ATRX: variants seen among roughly 807,000 people sequenced by gnomAD.
ATRX encodes the protein ATRX chromatin remodeler, also known as chromatin remodeler ATRX.
ATRX carries 12 observed loss-of-function variants against 172.6 expected under a neutral mutation model. The observed-to-expected ratio is 0.07, with a 90% confidence interval of 0.04 to 0.11. The LOEUF (loss-of-function observed/expected upper bound fraction) is 0.11. Ranked by LOEUF, ATRX falls within the 10% of genes least tolerant of loss-of-function variation. The pLI is 1.00. For synonymous variants in ATRX, 674 were observed against 594.7 expected, an observed-to-expected ratio of 1.13 and a Z score of -1.94; for missense variants, 1,368 against 1,767.4, an observed-to-expected ratio of 0.77 and a Z score of 4.05.
intron 1 of ATRX, among the ~76,000 whole-genome samples, chrX:77,766,278 G>A (rs1164172108): frequency 9.0e-6 from 1 of 111,444 alleles, no homozygotes; most frequent in Non-Finnish European, 1.9e-5. Flanking sequence ...GGGCAGAGGC[G>A]CCCCTCACCT....
At chrX:77,732,205 G>A (rs1425415427) in intron 1 of ATRX, among the ~76,000 whole-genome samples, 1 of 111,385 alleles carries the variant, frequency 9.0e-6, no homozygotes, top group Non-Finnish European at 1.9e-5. Context: ...TGGTCTGGCC[G>A]TGGTCCCTGC....
At chrX:77,542,072 G>A (rs781826786) in intron 30 of ATRX, among the ~76,000 whole-genome samples, 1 of 111,631 alleles carries the variant, frequency 9.0e-6, no homozygotes, top group Non-Finnish European at 1.9e-5. Flanking sequence ...AAACCCCATC[G>A]CCTCAGCCCA....
Position 77,683,632 on chromosome X carries a change from C to T in ATRX, c.1624G>A (p.Val542Ile). The T allele has an allele frequency of 8.3e-7, 1 of 1,211,461 alleles. No individual in the cohort carries two copies. The highest frequency in any genetic ancestry group is 1.1e-6 in the Non-Finnish European group (1 of 895,212). ...LETAMEVQSS[V>I]DHQGDGSSGT... ...CTGCTGCCATCCCCTTGATGATCAACTGAACTCTGAACTTCCATAGCAGTC... is the reference window on the plus strand; with the variant it reads ...CTGCTGCCATCCCCTTGATGATCAATTGAACTCTGAACTTCCATAGCAGTC... The change falls in exon 9 of 35, where the codon GTT (valine) becomes ATT (isoleucine). Residue 542 changes from valine to isoleucine, a missense_variant. Val to Ile is a conservative substitution (Grantham distance 29). This residue lies in a region of ATRX where 843 missense variants were observed against 643.1 expected (regional missense o/e 1.31). Coordinates refer to ENST00000373344, the MANE Select transcript of ATRX (RefSeq NM_000489.6).
rs1258693420 is a variant in ATRX, at chrX:77,505,264, G to A, written c.*3087C>T. On this transcript the variant is annotated 3_prime_UTR_variant, in exon 35 of 35. Transcript: ENST00000373344. ...GTTTTGTTTGGGGCACATAAATATC[G>A]ATCTGATTTTATGATAATGGAGGGA... 1.2e-5 allele frequency: 2 copies of A among 172,529 alleles called. No individual in the cohort carries two copies. The highest frequency in any genetic ancestry group is 8.2e-5 in the East Asian group (1 of 12,215). 14.2% of individuals were successfully genotyped at this position (172,529 alleles called of 1,213,427 possible). A position where few individuals can be genotyped will look rare whatever the true frequency, so the allele number is the denominator to read the frequency against.
chrX:77,591,474 T>C (rs1364188209), intron 26 of ATRX, among the ~76,000 whole-genome samples: 1 of 112,538 alleles, frequency 8.9e-6, no homozygotes, highest in Non-Finnish European at 1.9e-5. Context: ...AAGGTACTTA[T>C]GACTCCTGAA....
At chrX:77,541,690 C>A (rs1557050897) in intron 30 of ATRX, among the ~76,000 whole-genome samples, 1 of 111,945 alleles carries the variant, frequency 8.9e-6, no homozygotes, top group Non-Finnish European at 1.9e-5. Context: ...TGTAATCTAG[C>A]ATATAAACAG....
intron 1 of ATRX, among the ~76,000 whole-genome samples, chrX:77,756,232 T>A (rs2148893461): frequency 9.0e-6 from 1 of 111,346 alleles, no homozygotes; most frequent in African/African-American, 3.3e-5. Context: ...AGCTTCAGAC[T>A]GCTGTGTTGG....
In ATRX at chrX:77,663,432, T is replaced by C. The variant is rs1064796812; in HGVS notation, c.4070A>G (p.Lys1357Arg). 8 of 1,209,912 alleles carry C rather than the reference T, an allele frequency of 6.6e-6. No individual in the cohort carries two copies. The highest frequency in any genetic ancestry group is 2.3e-4 in the Middle Eastern group (1 of 4,352). The change falls in exon 12 of 35, where the codon AAG (lysine) becomes AGG (arginine). Residue 1357 changes from lysine to arginine, a missense_variant. Transcript: ENST00000373344. Reference sequence around the variant, plus strand: ...TTCTTTATGCTCTTTAGGCTTTGTCTTTTTTTCTTCTCCAGATTCTCCGTC... The same window carrying C: ...TTCTTTATGCTCTTTAGGCTTTGTCCTTTTTTCTTCTCCAGATTCTCCGTC... The part of the protein sequence containing the change: ...VSDGESGEEK[K>R]TKPKEHKEVK...
At chrX:77,730,420 T>C (rs1273877032) in intron 1 of ATRX, among the ~76,000 whole-genome samples, 2 of 111,792 alleles carry the variant, frequency 1.8e-5, no homozygotes, top group Non-Finnish European at 3.8e-5. Context: ...ACTTTCAGCA[T>C]TGGACAGACC....
At chrX:77,766,277 C>T (rs1350230150) in intron 1 of ATRX, among the ~76,000 whole-genome samples, 4 of 111,372 alleles carry the variant, frequency 3.6e-5, no homozygotes, top group African/African-American at 1.3e-4. Flanking sequence ...CGGGCAGAGG[C>T]GCCCCTCACC....
At chrX:77,652,089 AAAG>A (rs782735713) in intron 15 of ATRX, 22 bp downstream of exon 15, 5 of 1,203,759 alleles carry the variant, frequency 4.2e-6, no homozygotes, top group South Asian at 3.5e-5. Flanking sequence ...TACAAAAGAA[AAAG>A]AAGAAGAAAG....
chrX:77,521,539 C>T, intron 32 of ATRX, 41 bp from the exon 33 acceptor site: 3 of 1,025,248 alleles, frequency 2.9e-6, no homozygotes, highest in Non-Finnish European at 4.1e-6. Context: ...GGCAGAAAGA[C>T]AGCATAGTGT....
intron 22 of ATRX, among the ~76,000 whole-genome samples, chrX:77,608,094 T>C (rs897204420): frequency 1.8e-5 from 2 of 109,802 alleles, no homozygotes; most frequent in African/African-American, 6.6e-5. Flanking sequence ...AAAAGACACA[T>C]AGGCCGGCCG....
At chrX:77,658,918 A>T (rs782289379) in intron 12 of ATRX, among the ~76,000 whole-genome samples, 2 of 112,280 alleles carry the variant, frequency 1.8e-5, no homozygotes, top group Non-Finnish European at 3.8e-5. Context: ...TTTCAAAATA[A>T]TTTTTTAAAA....
intron 6 of ATRX, among the ~76,000 whole-genome samples, chrX:77,693,438 T>C (rs1557148121): frequency 8.9e-6 from 1 of 112,176 alleles, no homozygotes; most frequent in African/African-American, 3.2e-5. Context: ...CTAATACTAA[T>C]GCAGATGTAC....
chrX:77,568,524 G>C (rs942082555), intron 28 of ATRX, among the ~76,000 whole-genome samples: 2 of 111,755 alleles, frequency 1.8e-5, no homozygotes, highest in Non-Finnish European at 3.8e-5. Flanking sequence ...GCCAGAACTG[G>C]TTTCACTGGC....
At chrX:77,640,968 G>C (rs2068625189) in intron 15 of ATRX, among the ~76,000 whole-genome samples, 1 of 111,262 alleles carries the variant, frequency 9.0e-6, no homozygotes, top group South Asian at 3.8e-4. Flanking sequence ...GGTGCTGGGA[G>C]GCATTCGATT....
chrX:77,612,173 G>A (rs2067183168), intron 22 of ATRX, among the ~76,000 whole-genome samples: 1 of 110,514 alleles, frequency 9.0e-6, no homozygotes, highest in African/African-American at 3.3e-5. Flanking sequence ...TTAAGCTGAT[G>A]GTCCATCAAA....
At chrX:77,654,446 A>G (rs2069438432) in intron 13 of ATRX, among the ~76,000 whole-genome samples, 1 of 111,621 alleles carries the variant, frequency 9.0e-6, no homozygotes, top group Non-Finnish European at 1.9e-5. Flanking sequence ...AAAGGACATT[A>G]AGACTATTCT....
Sources: gnomAD v4.1 joint callset for allele counts (sites outside exome capture counted in the v4.1 genomes callset) on GRCh38, gnomAD v4.1.1 for gene constraint, gnomAD v4.1.1 regional missense constraint, MANE v1.5 for transcripts, NCBI Gene and HGNC (gene_info 2026-07-23, HGNC 2026-07-21) for gene names.